Variants in CEP128 observed in about 807,000 individuals in gnomAD.
The protein encoded by CEP128 is centrosomal protein 128kDa.
A neutral mutation model predicts 156.7 loss-of-function variants in CEP128; 132 were observed. The ratio of observed to expected loss-of-function variants is 0.84; its 90% CI spans 0.73 to 0.97. The LOEUF (loss-of-function observed/expected upper bound fraction) is 0.97, where lower values mean the gene tolerates loss of function less well. Ranked by LOEUF, CEP128 falls within the 50% of genes least tolerant of loss-of-function variation. CEP128 has a pLI of 0.00. For missense variants in CEP128, 1,252 were observed against 1,281.9 expected, an observed-to-expected ratio of 0.98 and a Z score of 0.36; for synonymous variants, 469 against 448.9, an observed-to-expected ratio of 1.04 and a Z score of -0.57.
chr14:80,492,991 C>T (rs1199122540), downstream of CEP128, among the ~76,000 whole-genome samples: 1 of 151,922 alleles, frequency 6.6e-6, no homozygotes, highest in Non-Finnish European at 1.5e-5. Context: ...TGCTTCAAGC[C>T]AGTATTCTGA....
intron 19 of CEP128, among the ~76,000 whole-genome samples, chr14:80,614,787 CCAGAAATCTG>C (rs1217875409): frequency 1.3e-5 from 2 of 152,150 alleles, no homozygotes; most frequent in Non-Finnish European, 1.5e-5. Context: ...CTGTGCTTCT[CCAGAAATCTG>C]CTCATGTAAT....
intron 14 of CEP128, among the ~76,000 whole-genome samples, chr14:80,483,390 A>G (rs1386059045): frequency 6.6e-6 from 1 of 152,270 alleles, no homozygotes; most frequent in Non-Finnish European, 1.5e-5. Context: ...AGGCAAAATC[A>G]GCATATTTCA....
intron 14 of CEP128, among the ~76,000 whole-genome samples, chr14:80,480,737 C>T (rs1209405260): frequency 1.3e-5 from 2 of 152,190 alleles, no homozygotes; most frequent in Non-Finnish European, 2.9e-5. Flanking sequence ...CTCTTGAATG[C>T]TTTGCTGCTT....
At chr14:80,502,052 T>C (rs942572466) in intron 24 of CEP128, among the ~76,000 whole-genome samples, 1 of 152,196 alleles carries the variant, frequency 6.6e-6, no homozygotes, top group Non-Finnish European at 1.5e-5. Context: ...AAAGTGGTTA[T>C]AACTGTGAGT....
chr14:80,690,099 G>A (rs1312431504), intron 19 of CEP128, among the ~76,000 whole-genome samples: 1 of 152,016 alleles, frequency 6.6e-6, no homozygotes, highest in Non-Finnish European at 1.5e-5. Context: ...GTTGTTCCAA[G>A]CTTAGTTACT....
intron 19 of CEP128, among the ~76,000 whole-genome samples, chr14:80,594,803 C>A (rs1418193805): frequency 6.6e-6 from 1 of 152,146 alleles, no homozygotes; most frequent in Non-Finnish European, 1.5e-5. Flanking sequence ...GAATGGCAAT[C>A]ATTAAAAAGT....
chr14:80,599,360 C>T (rs1017294501), intron 19 of CEP128, among the ~76,000 whole-genome samples: 1 of 150,092 alleles, frequency 6.7e-6, no homozygotes, highest in African/African-American at 2.5e-5. Context: ...GCAAGCTCTG[C>T]CTCCCAGGTT....
chr14:80,783,839 C>A (rs929227592), intron 15 of CEP128, among the ~76,000 whole-genome samples: 8 of 152,008 alleles, frequency 5.3e-5, no homozygotes, highest in Non-Finnish European at 1.0e-4. Context: ...TATAAGGTGT[C>A]TTAGGTTTAA....
rs969222660 is a variant in CEP128, at chr14:80,727,982, C to G, written c.2806+15093G>C. On this transcript the variant is annotated intron_variant, in intron 19 of 24. Transcript: ENST00000555265. ...AAAAAAACTTAAAACTACCATTCAA[C>G]ACAGCAATCCCATTACTGGGTACAT... 8.5e-5 allele frequency among the ~76,000 whole-genome samples: 13 copies of G among 152,298 alleles called. No homozygotes were observed. The East Asian group carries it at 2.3e-3, about 27-fold the overall frequency.
At chr14:80,868,072 G>T (rs184373756) in intron 8 of CEP128, among the ~76,000 whole-genome samples, 2 of 147,452 alleles carry the variant, frequency 1.4e-5, no homozygotes, top group African/African-American at 4.9e-5. Flanking sequence ...GGCAGGGGGT[G>T]GGGGGAGACA....
At chr14:80,781,536 C>T (rs1271465916) in intron 15 of CEP128, among the ~76,000 whole-genome samples, 37 of 150,156 alleles carry the variant, frequency 2.5e-4, no homozygotes, top group Non-Finnish European at 4.4e-5. Flanking sequence ...GGAGTGGAGA[C>T]TTTATTACAG....
chr14:80,938,025 T>C (rs1885913266), intron 2 of CEP128, among the ~76,000 whole-genome samples: 1 of 151,798 alleles, frequency 6.6e-6, no homozygotes. Context: ...GCCTCCCGAG[T>C]AGCAGGGACC....
chr14:80,714,233 G>A (rs1221273392), intron 19 of CEP128, among the ~76,000 whole-genome samples: 2 of 152,014 alleles, frequency 1.3e-5, no homozygotes, highest in Non-Finnish European at 2.9e-5. Context: ...TTCCAGTTGT[G>A]CATACACTTG....
rs534196377 is a variant in CEP128, at chr14:80,877,266, G to A, written c.646-14393C>T. Among the ~76,000 whole-genome samples, 5 of 152,066 alleles carry A rather than the reference G, an allele frequency of 3.3e-5. No individual in the cohort carries two copies. The South Asian group carries it at 1.0e-3, about 32-fold the overall frequency. On this transcript the variant is annotated intron_variant, in intron 8 of 24. Coordinates refer to ENST00000555265, the MANE Select transcript of CEP128 (RefSeq NM_152446.5). ...CACACAAAAAATGGAAATATAGTAAGTGGGTCCAAGAGAAAGCAAATAGTA... is the reference window on the plus strand; with the variant it reads ...CACACAAAAAATGGAAATATAGTAAATGGGTCCAAGAGAAAGCAAATAGTA...
intron 19 of CEP128, among the ~76,000 whole-genome samples, chr14:80,582,513 T>C (rs997304501): frequency 3.3e-5 from 5 of 152,014 alleles, no homozygotes; most frequent in Admixed American, 1.3e-4. Flanking sequence ...CTTTATGTCA[T>C]TCCACTCAAG....
chr14:80,614,607 G>C (rs1893136916), intron 19 of CEP128, among the ~76,000 whole-genome samples: 1 of 152,050 alleles, frequency 6.6e-6, no homozygotes, highest in Admixed American at 6.6e-5. Flanking sequence ...AAAAAACCCT[G>C]TCCCACCCAG....
At chr14:80,580,756 C>G (rs1321676148) in intron 19 of CEP128, among the ~76,000 whole-genome samples, 2 of 152,060 alleles carry the variant, frequency 1.3e-5, no homozygotes, top group Admixed American at 6.6e-5. Flanking sequence ...TAACTCAATG[C>G]AACACAAAAT....
chr14:80,897,616 C>T lies in CEP128; in HGVS notation c.573-1826G>A, dbSNP rs529224811. The stretch of plus-strand genomic sequence containing the variant: ...TCAAATTGAAAATCTTAGAGTCATC[C>T]TTATTCTCCCTCACCCACCATTACC... On this transcript the variant is annotated intron_variant, in intron 7 of 24. Transcript: ENST00000555265. Among the ~76,000 whole-genome samples, 22 of 152,116 alleles carry T rather than the reference C, an allele frequency of 1.4e-4. No homozygotes were observed. In the East Asian group the frequency reaches 3.7e-3, roughly 25 times the overall value.
rs538968710 is a variant in CEP128, at chr14:80,562,506, A to C, written c.2857-3204T>G. Among the ~76,000 whole-genome samples the C allele has an allele frequency of 2.0e-4, 30 of 152,276 alleles. No homozygotes were observed. The South Asian group carries it at 6.0e-3, about 30-fold the overall frequency. On this transcript the variant is annotated intron_variant, in intron 20 of 24. Transcript: ENST00000555265. ...AACTTCTTATTTGATTTTAAAATTT[A>C]AGAAATGCATTTTGAAAACTTAAGT...
Sources: gnomAD v4.1 joint callset for allele counts (sites outside exome capture counted in the v4.1 genomes callset) on GRCh38, gnomAD v4.1.1 for gene constraint, MANE v1.5 for transcripts, NCBI Gene and HGNC (gene_info 2026-07-23, HGNC 2026-07-21) for gene names.